Variants in DRC9 observed in about 807,000 individuals in gnomAD.
DRC9 encodes the protein dynein regulatory complex subunit 9, also known as dynein regulatory complex protein 9.
the DRC9 span, among the ~76,000 whole-genome samples, chr3:197,946,400 A>C: frequency 7.1e-6 from 1 of 141,000 alleles, no homozygotes. Context: ...GCGCCACTGC[A>C]CTCCAGCCTG....
At chr3:197,904,213 C>T in the DRC9 span, among the ~76,000 whole-genome samples, 4 of 151,146 alleles carry the variant, frequency 2.6e-5, no homozygotes, top group East Asian at 3.9e-4. Context: ...CACAGATCAT[C>T]GGAGAAATGC....
chr3:197,905,641 G>T, the DRC9 span, among the ~76,000 whole-genome samples: 2 of 152,048 alleles, frequency 1.3e-5, no homozygotes, highest in African/African-American at 4.8e-5. Flanking sequence ...CCAGCTACTC[G>T]GGAGGCTGAG....
chr3:197,942,385 CAAAAAAAAAAAAAAAA>C, the DRC9 span, among the ~76,000 whole-genome samples: 2 of 17,052 alleles, frequency 1.2e-4, no homozygotes, highest in Non-Finnish European at 1.4e-4. Context: ...CTCCGTCTCA[CAAAAAAAAAAAAAAAA>C]AAAAAAAAAA....
the DRC9 span, among the ~76,000 whole-genome samples, chr3:197,921,314 C>T: frequency 2.7e-5 from 3 of 110,716 alleles, no homozygotes; most frequent in Admixed American, 8.6e-5. Context: ...TCAGTAACTC[C>T]GGGGATTTAA....
chr3:197,921,827 C>A, the DRC9 span, among the ~76,000 whole-genome samples: 185 of 142,298 alleles, frequency 1.3e-3, 4 homozygotes, highest in South Asian at 0.013. Flanking sequence ...CTGGGGATTT[C>A]ACCTGATTTC....
the DRC9 span, among the ~76,000 whole-genome samples, chr3:197,948,762 T>C: frequency 6.6e-6 from 1 of 152,214 alleles, no homozygotes. Flanking sequence ...TTCATACAAC[T>C]TCGGAGTCAT....
the DRC9 span, among the ~76,000 whole-genome samples, chr3:197,891,869 TAGTC>T: frequency 3.0e-3 from 456 of 152,302 alleles, 2 homozygotes; most frequent in Non-Finnish European, 4.6e-3. Context: ...CATACACAAG[TAGTC>T]AGCTGTCTTT....
At chr3:197,913,820 G>T in the DRC9 span, 1 of 1,505,644 alleles carries the variant, frequency 6.6e-7, no homozygotes, top group Non-Finnish European at 9.3e-7. Context: ...GCTGAGAGGG[G>T]ATCAGGAGTG....
At chr3:197,957,952 GA>G in the DRC9 span, 1 of 152,226 alleles carries the variant, frequency 6.6e-6, no homozygotes, top group Non-Finnish European at 1.5e-5. Flanking sequence ...TGGCTGACTG[GA>G]AAGTCCAGAA....
At chr3:197,941,220 C>T in the DRC9 span, among the ~76,000 whole-genome samples, 2 of 140,524 alleles carry the variant, frequency 1.4e-5, no homozygotes, top group Non-Finnish European at 3.1e-5. Flanking sequence ...CTTCCTTCCT[C>T]CCTCCCTTCC....
At chr3:197,944,179 A>G in the DRC9 span, 76 of 792,312 alleles carry the variant, frequency 9.6e-5, no homozygotes, top group East Asian at 1.1e-3. Context: ...AACCTAGATG[A>G]AAAAAAAGGA....
At chr3:197,946,877 C>T in the DRC9 span, among the ~76,000 whole-genome samples, 26 of 152,110 alleles carry the variant, frequency 1.7e-4, no homozygotes, top group Non-Finnish European at 3.5e-4. Context: ...GGCTGCAGTA[C>T]GATGGCGCGA....
chr3:197,913,710 C>G, the DRC9 span: 8 of 733,854 alleles, frequency 1.1e-5, no homozygotes, highest in African/African-American at 1.0e-4. Flanking sequence ...TCTCTGCTTG[C>G]GAACACGCAT....
At chr3:197,933,021 A>G in the DRC9 span, among the ~76,000 whole-genome samples, 1 of 140,494 alleles carries the variant, frequency 7.1e-6, no homozygotes, top group Non-Finnish European at 1.5e-5. Flanking sequence ...ATATATTAAT[A>G]TAAAATATTA....
the DRC9 span, among the ~76,000 whole-genome samples, chr3:197,918,034 C>A: frequency 1.3e-5 from 2 of 149,776 alleles, no homozygotes; most frequent in South Asian, 4.2e-4. Context: ...CATGCCCAGC[C>A]CATTTCTCCT....
At chr3:197,912,023 A>C in the DRC9 span, among the ~76,000 whole-genome samples, 3 of 151,820 alleles carry the variant, frequency 2.0e-5, no homozygotes, top group African/African-American at 4.8e-5. Context: ...AAAATAATTA[A>C]TTTAAAAATT....
At chr3:197,955,780 G>A in the DRC9 span, 8 of 1,599,414 alleles carry the variant, frequency 5.0e-6, no homozygotes, top group African/African-American at 4.0e-5. Flanking sequence ...TTAAACTAAC[G>A]AAAAATCAAT....
At chr3:197,910,897 A>T in the DRC9 span, among the ~76,000 whole-genome samples, 1 of 151,468 alleles carries the variant, frequency 6.6e-6, no homozygotes, top group Admixed American at 6.6e-5. Context: ...GCTTGAGCCC[A>T]GGAGGCCGAG....
At chr3:197,943,847 G>A in the DRC9 span, 1 of 1,614,052 alleles carries the variant, frequency 6.2e-7, no homozygotes, top group Non-Finnish European at 8.5e-7. Flanking sequence ...GCTGGTCTGT[G>A]GTGTCCTCCA....
Sources: gnomAD v4.1 joint callset for allele counts (sites outside exome capture counted in the v4.1 genomes callset) on GRCh38, gnomAD v4.1.1 for gene constraint, MANE v1.5 for transcripts, NCBI Gene and HGNC (gene_info 2026-07-23, HGNC 2026-07-21) for gene names.